The following ZNF277 variants were observed in gnomAD, a reference collection of about 807,000 sequenced individuals.
ZNF277 encodes zinc finger protein 277.
A neutral mutation model predicts 60.7 loss-of-function variants in ZNF277; 55 were observed. The observed-to-expected ratio is 0.91, with a 90% confidence interval of 0.73 to 1.13. The LOEUF (loss-of-function observed/expected upper bound fraction) is 1.13, where lower values mean the gene tolerates loss of function less well. ZNF277 is among the 50% of genes most tolerant of loss of function. ZNF277 has a pLI of 0.00. For synonymous variants in ZNF277, 178 were observed against 179.3 expected, an observed-to-expected ratio of 0.99 and a Z score of 0.06; for missense variants, 510 against 523.0, an observed-to-expected ratio of 0.98 and a Z score of 0.24.
chr7:112,216,350 C>G (rs1821880720), intron 1 of ZNF277, among the ~76,000 whole-genome samples: 1 of 152,132 alleles, frequency 6.6e-6, no homozygotes, highest in Admixed American at 6.6e-5. Flanking sequence ...CACTCTTTTG[C>G]CCAGGCTGGA....
chr7:112,315,423 A>T (rs1792822792), intron 4 of ZNF277, among the ~76,000 whole-genome samples: 1 of 152,086 alleles, frequency 6.6e-6, no homozygotes, highest in South Asian at 2.1e-4. Flanking sequence ...ACTAACAGGG[A>T]TGAAAAGCTT....
intron 1 of ZNF277, among the ~76,000 whole-genome samples, chr7:112,267,659 C>CT (rs1300463299): frequency 2.0e-5 from 3 of 152,078 alleles, no homozygotes; most frequent in Admixed American, 1.3e-4. Context: ...ATTTTCTTCT[C>CT]TTTTCCATTT....
At chr7:112,339,396 G>A (rs1337290278) in intron 9 of ZNF277, among the ~76,000 whole-genome samples, 1 of 152,166 alleles carries the variant, frequency 6.6e-6, no homozygotes, top group African/African-American at 2.4e-5. Flanking sequence ...TCAGCTCACT[G>A]CAACCTCTGC....
rs143437932 is a variant in ZNF277, at chr7:112,318,254, G to T, written c.538G>T (p.Glu180Ter). The T allele has an allele frequency of 1.2e-4, 200 of 1,613,168 alleles. 2 individuals carry two copies. In the African/African-American group the frequency reaches 2.4e-3, roughly 20 times the overall value. ...NFHGVCMFCN[E>*]EFLGNRSVIL... ...TCATGGCGTTTGTATGTTTTGCAAT[G>T]AAGAATTCCTTGGAAACAGGTTTGC... is the stretch of plus-strand genomic sequence containing the variant. Residue 180 changes from glutamate (E) to a stop codon, truncating the protein, a stop_gained, in exon 5 of 12, where the codon GAA becomes TAA. Transcript: ENST00000361822. LOFTEE classifies it high-confidence loss of function.
chr7:112,336,170 G>A lies in ZNF277; in HGVS notation c.868G>A (p.Asp290Asn), dbSNP rs763761366. 6 of 1,609,456 alleles carry A rather than the reference G, an allele frequency of 3.7e-6. No homozygotes were observed. Among genetic ancestry groups the A allele is most frequent in the Non-Finnish European group, 5.1e-6 (6 of 1,177,648 alleles). The change falls in exon 8 of 12, where the codon GAT (aspartate) becomes AAT (asparagine). Residue 290 changes from aspartate (D) to asparagine (N), a missense_variant and splice_region_variant. By Grantham distance (23) the Asp-to-Asn change is conservative. Coordinates refer to ENST00000361822, the MANE Select transcript of ZNF277 (RefSeq NM_021994.3). ...DDRELLDHQE[D>N]DWSDWEEHPA... ...TCGGGAGTTGCTGGACCATCAGGAA[G>A]AGTAAGAGTTGTTATTGCTGCTAAT...
intron 1 of ZNF277, among the ~76,000 whole-genome samples, chr7:112,262,247 C>CAAAAAA (rs376386868): frequency 2.6e-5 from 2 of 77,662 alleles, no homozygotes; most frequent in African/African-American, 4.3e-5. Flanking sequence ...AAAAGCAATA[C>CAAAAAA]AAAAAAAAAA....
At chr7:112,305,592 A>C (rs1022813966) in intron 4 of ZNF277, among the ~76,000 whole-genome samples, 25 of 151,656 alleles carry the variant, frequency 1.6e-4, no homozygotes, top group African/African-American at 5.8e-4. Flanking sequence ...TAAACTTTTA[A>C]TGAGCCTTTA....
chr7:112,304,265 G>C (rs967356292), intron 4 of ZNF277, among the ~76,000 whole-genome samples: 5 of 152,070 alleles, frequency 3.3e-5, no homozygotes, highest in Admixed American at 6.6e-5. Flanking sequence ...GTGTGTTTAA[G>C]TATATTAAGT....
intron 1 of ZNF277, among the ~76,000 whole-genome samples, chr7:112,258,735 G>A (rs73424419): frequency 6.6e-6 from 1 of 151,836 alleles, no homozygotes; most frequent in African/African-American, 2.4e-5. Context: ...CTTATCTATG[G>A]GGAAAATTTC....
At chr7:112,212,734 G>A (rs1373362191) in intron 1 of ZNF277, among the ~76,000 whole-genome samples, 1 of 152,144 alleles carries the variant, frequency 6.6e-6, no homozygotes. Flanking sequence ...ATGCTTTCCT[G>A]GAATTTGGGA....
intron 1 of ZNF277, among the ~76,000 whole-genome samples, chr7:112,274,512 A>G (rs1791749121): frequency 6.6e-6 from 1 of 152,196 alleles, no homozygotes; most frequent in African/African-American, 2.4e-5. Flanking sequence ...CCATAAAAAC[A>G]AAACTATTTA....
chr7:112,270,813 T>C (rs1341366702), intron 1 of ZNF277, among the ~76,000 whole-genome samples: 1 of 152,146 alleles, frequency 6.6e-6, no homozygotes, highest in African/African-American at 2.4e-5. Flanking sequence ...AGTTATAAAA[T>C]TGATCATATC....
At chr7:112,281,759 A>C (rs1296246626) in intron 1 of ZNF277, among the ~76,000 whole-genome samples, 1 of 152,218 alleles carries the variant, frequency 6.6e-6, no homozygotes, top group South Asian at 2.1e-4. Context: ...CATTCAGCAG[A>C]TATTTATCAA....
intron 4 of ZNF277, among the ~76,000 whole-genome samples, chr7:112,306,820 C>A (rs1325911034): frequency 6.6e-6 from 1 of 151,868 alleles, no homozygotes; most frequent in East Asian, 1.9e-4. Context: ...ATGCCTATAA[C>A]TTTATTTTGA....
chr7:112,300,706 T>A (rs1792453555), intron 4 of ZNF277, among the ~76,000 whole-genome samples: 1 of 152,222 alleles, frequency 6.6e-6, no homozygotes, highest in South Asian at 2.1e-4. Flanking sequence ...GGATTTCCAG[T>A]CCACACTTTA....
intron 1 of ZNF277, among the ~76,000 whole-genome samples, chr7:112,235,809 A>G (rs999097002): frequency 1.2e-4 from 18 of 151,510 alleles, no homozygotes; most frequent in Non-Finnish European, 1.9e-4. Context: ...TTTTCCTTTA[A>G]TCACTTGTAT....
chr7:112,286,841 C>CTTTTTATT, intron 1 of ZNF277, 32 bp from the exon 2 acceptor site: 1 of 947,882 alleles, frequency 1.1e-6, no homozygotes, highest in Non-Finnish European at 1.4e-6. Context: ...TTCTTTCTTT[C>CTTTTTATT]TTTTTTTTTT....
At chr7:112,340,488 G>A (rs1214874274) in intron 10 of ZNF277, among the ~76,000 whole-genome samples, 2 of 152,188 alleles carry the variant, frequency 1.3e-5, no homozygotes, top group South Asian at 2.1e-4. Context: ...GTCCTTGGAT[G>A]TGTTACTTTG....
rs1793479156 is a variant in ZNF277, at chr7:112,343,224, T to C, written c.*495T>C. 6.6e-6 allele frequency: 1 copy of C among 152,220 alleles called. No homozygotes were observed. Among genetic ancestry groups the C allele is most frequent in the East Asian group, 1.9e-4 (1 of 5,186 alleles). The allele number at this position is 152,220 out of a possible 1,614,324, so 9.4% of individuals were successfully genotyped here. ...GAAAAGCCACAGAAGAAAGAAGAAATGGTCAAAGACGTGGATAATATGCAA... is the reference window on the plus strand; with the variant it reads ...GAAAAGCCACAGAAGAAAGAAGAAACGGTCAAAGACGTGGATAATATGCAA... On this transcript the variant is annotated 3_prime_UTR_variant, in exon 12 of 12. Coordinates refer to ENST00000361822, the MANE Select transcript of ZNF277 (RefSeq NM_021994.3).
Sources: allele counts gnomAD v4.1 joint callset (sites outside exome capture counted in the v4.1 genomes callset), GRCh38; gene constraint gnomAD v4.1.1; transcripts MANE v1.5; gene names NCBI Gene and HGNC (gene_info 2026-07-23, HGNC 2026-07-21).